Variants in SEMA3A observed in about 807,000 individuals in gnomAD.
SEMA3A encodes semaphorin-3A.
A neutral mutation model predicts 97.9 loss-of-function variants in SEMA3A; 29 were observed. The ratio of observed to expected loss-of-function variants is 0.30; its 90% CI spans 0.22 to 0.40. The LOEUF (loss-of-function observed/expected upper bound fraction) is 0.40, where lower values mean the gene tolerates loss of function less well. SEMA3A is among the 10% of genes least tolerant of loss of function. The pLI is 1.00. For missense variants in SEMA3A, 763 were observed against 951.3 expected, an observed-to-expected ratio of 0.80 and a Z score of 2.60; for synonymous variants, 321 against 323.7, an observed-to-expected ratio of 0.99 and a Z score of 0.09.
intron 12 of SEMA3A, among the ~76,000 whole-genome samples, chr7:83,990,220 C>T (rs1279755712): frequency 2.0e-5 from 3 of 151,820 alleles, no homozygotes; most frequent in Admixed American, 2.0e-4. Flanking sequence ...GGATATTAGC[C>T]CTTTGTCAGA....
intron 1 of SEMA3A, among the ~76,000 whole-genome samples, chr7:84,438,985 G>C (rs557026259): frequency 1.2e-3 from 182 of 152,040 alleles, no homozygotes; most frequent in African/African-American, 4.2e-3. Context: ...CTAAAGGAAA[G>C]GGCATTTACT....
chr7:83,963,383 T>G, intron 15 of SEMA3A, 36 bp from the exon 16 acceptor site: 2 of 1,582,928 alleles, frequency 1.3e-6, no homozygotes, highest in Non-Finnish European at 1.7e-6. Context: ...GAGAAAATAT[T>G]AGAGAAGTAA....
chr7:84,236,708 T>C (rs1799243024), intron 3 of SEMA3A, among the ~76,000 whole-genome samples: 1 of 152,168 alleles, frequency 6.6e-6, no homozygotes, highest in Non-Finnish European at 1.5e-5. Context: ...CAGGTAATTA[T>C]TGATTTTGCC....
intron 1 of SEMA3A, among the ~76,000 whole-genome samples, chr7:84,187,135 A>G (rs1258437309): frequency 6.6e-6 from 1 of 152,214 alleles, no homozygotes; most frequent in South Asian, 2.1e-4. Flanking sequence ...GCTAAATCTC[A>G]GCAAGCTGTC....
chr7:84,329,137 C>T (rs1029360824), intron 2 of SEMA3A, among the ~76,000 whole-genome samples: 2 of 151,610 alleles, frequency 1.3e-5, no homozygotes, highest in Non-Finnish European at 2.9e-5. Flanking sequence ...ATCAAGCAAA[C>T]GGGGATGTTG....
chr7:83,982,182 G>A (rs1193425273), intron 13 of SEMA3A, among the ~76,000 whole-genome samples: 1 of 125,114 alleles, frequency 8.0e-6, no homozygotes, highest in Non-Finnish European at 1.8e-5. Context: ...TCTAGGTCTC[G>A]CTGCCCATTA....
intron 12 of SEMA3A, among the ~76,000 whole-genome samples, chr7:83,996,776 G>T (rs1029372377): frequency 1.3e-5 from 2 of 152,138 alleles, no homozygotes; most frequent in Non-Finnish European, 2.9e-5. Context: ...TTGGAATTAG[G>T]CTTGTTTCTT....
chr7:84,475,682 C>A (rs1243960320), intron 1 of SEMA3A, among the ~76,000 whole-genome samples: 1 of 152,096 alleles, frequency 6.6e-6, no homozygotes, highest in Non-Finnish European at 1.5e-5. Flanking sequence ...GTAACTAGTG[C>A]TGAGCAAATA....
intron 4 of SEMA3A, among the ~76,000 whole-genome samples, chr7:84,074,860 A>G (rs899238968): frequency 6.6e-6 from 1 of 152,212 alleles, no homozygotes; most frequent in Non-Finnish European, 1.5e-5. Context: ...AGCAACTACA[A>G]CTACAAAGCA....
chr7:84,247,621 A>G (rs1476335998), intron 3 of SEMA3A, among the ~76,000 whole-genome samples: 1 of 152,226 alleles, frequency 6.6e-6, no homozygotes, highest in Non-Finnish European at 1.5e-5. Flanking sequence ...AGGAAGAAGA[A>G]GAAAAGGAAA....
chr7:84,235,003 C>T (rs56801502), intron 3 of SEMA3A, among the ~76,000 whole-genome samples: 1 of 151,970 alleles, frequency 6.6e-6, no homozygotes, highest in Non-Finnish European at 1.5e-5. Context: ...TAAGGGGAAA[C>T]TTTTACATCA....
At chr7:84,341,801 C>T (rs1233074825) in intron 2 of SEMA3A, among the ~76,000 whole-genome samples, 2 of 152,056 alleles carry the variant, frequency 1.3e-5, no homozygotes, top group Non-Finnish European at 2.9e-5. Context: ...TAGCTACATA[C>T]CCCAGGATGT....
At chr7:84,284,624 G>C (rs574576557) in intron 3 of SEMA3A, among the ~76,000 whole-genome samples, 1 of 152,254 alleles carries the variant, frequency 6.6e-6, no homozygotes, top group South Asian at 2.1e-4. Flanking sequence ...TTTCTGTAAA[G>C]AGTATTAGCA....
chr7:84,101,634 T>A (rs1454742041), intron 4 of SEMA3A, among the ~76,000 whole-genome samples: 1 of 152,182 alleles, frequency 6.6e-6, no homozygotes, highest in Non-Finnish European at 1.5e-5. Flanking sequence ...TTTAAGGGGG[T>A]AAATGTAAAA....
At chr7:84,214,389 T>C (rs1195716295) in intron 3 of SEMA3A, among the ~76,000 whole-genome samples, 1 of 152,200 alleles carries the variant, frequency 6.6e-6, no homozygotes, top group Non-Finnish European at 1.5e-5. Flanking sequence ...TTTTTTCAAA[T>C]TCATCTCCCT....
At chr7:84,269,966 T>C (rs187913192) in intron 3 of SEMA3A, among the ~76,000 whole-genome samples, 1 of 152,146 alleles carries the variant, frequency 6.6e-6, no homozygotes, top group Non-Finnish European at 1.5e-5. Context: ...AATTTCTTTA[T>C]AATGAAGTCA....
chr7:84,415,061 G>A (rs555972731), intron 1 of SEMA3A, among the ~76,000 whole-genome samples: 1 of 152,114 alleles, frequency 6.6e-6, no homozygotes, highest in South Asian at 2.1e-4. Context: ...GAAGAGTTAG[G>A]TTTCTATAAG....
At chr7:84,245,318 T>C (rs546442986) in intron 3 of SEMA3A, among the ~76,000 whole-genome samples, 19 of 152,090 alleles carry the variant, frequency 1.2e-4, no homozygotes, top group Non-Finnish European at 2.4e-4. Context: ...AATCTTGTCT[T>C]CACACTTTAT....
In SEMA3A at chr7:84,354,693, A is replaced by AT. The variant is rs149245110; in HGVS notation, c.-169+17130dup. On this transcript the variant is annotated intron_variant, in intron 2 of 3. Coordinates refer to the SEMA3A transcript ENST00000424555. ...AAGTACCTATTCTGTCAATTATTTC[A>AT]TTTTTTTTCATTATGGTCCAAGAAA... 0.015 allele frequency among the ~76,000 whole-genome samples: 2,193 copies of AT among 151,130 alleles called. 91 individuals are homozygous for AT. The East Asian group carries it at 0.15, about 10-fold the overall frequency.
Sources: allele counts gnomAD v4.1 joint callset (sites outside exome capture counted in the v4.1 genomes callset), GRCh38; gene constraint gnomAD v4.1.1; transcripts MANE v1.5; gene names NCBI Gene and HGNC (gene_info 2026-07-23, HGNC 2026-07-21).